Variants in CDH7 observed in about 807,000 individuals in gnomAD.
CDH7 encodes cadherin 7, also known as cadherin-7.
A neutral mutation model predicts 71.8 loss-of-function variants in CDH7; 25 were observed. The observed-to-expected ratio is 0.35, with a 90% confidence interval of 0.25 to 0.49. CDH7 has a LOEUF of 0.49. Ranked by LOEUF, CDH7 falls within the 20% of genes least tolerant of loss-of-function variation. CDH7 has a pLI of 0.99. For synonymous variants in CDH7, 381 were observed against 363.8 expected, an observed-to-expected ratio of 1.05 and a Z score of -0.54; for missense variants, 862 against 974.6, an observed-to-expected ratio of 0.88 and a Z score of 1.54.
At chr18:65,806,842 T>A (rs1178308025) in intron 2 of CDH7, among the ~76,000 whole-genome samples, 6 of 152,196 alleles carry the variant, frequency 3.9e-5, no homozygotes, top group Non-Finnish European at 1.5e-5. Context: ...TTAGGATTAG[T>A]ATAATGCACA....
chr18:65,788,615 T>C (rs1445666566), intron 2 of CDH7, among the ~76,000 whole-genome samples: 1 of 152,206 alleles, frequency 6.6e-6, no homozygotes, highest in East Asian at 1.9e-4. Context: ...CTTGAGCCTC[T>C]AGCCACCTGC....
At chr18:65,814,434 T>G (rs1213138763) in intron 3 of CDH7, 51 bp from the exon 4 acceptor site, 2 of 1,606,476 alleles carry the variant, frequency 1.2e-6, no homozygotes, top group Non-Finnish European at 1.7e-6. Context: ...CGTTTTTTGT[T>G]TTGTGGTATT....
At chr18:65,800,314 T>C (rs1336346032) in intron 2 of CDH7, among the ~76,000 whole-genome samples, 4 of 152,104 alleles carry the variant, frequency 2.6e-5, no homozygotes, top group East Asian at 3.9e-4. Context: ...CTCCTGACCT[T>C]GTGATCCTCC....
intron 3 of CDH7, 83 bp downstream of exon 3, chr18:65,810,081 G>GAAA: frequency 2.7e-6 from 2 of 751,888 alleles, no homozygotes; most frequent in South Asian, 2.1e-5. Context: ...ATTAAGTACT[G>GAAA]AAAAAAAAAA....
intron 7 of CDH7, among the ~76,000 whole-genome samples, chr18:65,855,365 A>G (rs1297105333): frequency 6.6e-6 from 1 of 150,612 alleles, no homozygotes; most frequent in Non-Finnish European, 1.5e-5. Flanking sequence ...AAAAAAAAGC[A>G]GAAAAAATGA....
At chr18:65,862,310 A>C (rs1184745605) in intron 10 of CDH7, among the ~76,000 whole-genome samples, 1 of 152,324 alleles carries the variant, frequency 6.6e-6, no homozygotes, top group East Asian at 1.9e-4. Flanking sequence ...TAACCTGTTA[A>C]TATGTACCAT....
At chr18:65,879,116 G>A (rs1914148208) in intron 11 of CDH7, among the ~76,000 whole-genome samples, 1 of 152,114 alleles carries the variant, frequency 6.6e-6, no homozygotes, top group African/African-American at 2.4e-5. Flanking sequence ...TTTGGTTTTT[G>A]AAAGTACACT....
At chr18:65,767,970 A>G (rs1916427291) in intron 2 of CDH7, among the ~76,000 whole-genome samples, 1 of 152,222 alleles carries the variant, frequency 6.6e-6, no homozygotes, top group Non-Finnish European at 1.5e-5. Flanking sequence ...AATGAAGGTT[A>G]TAATTACCAA....
At chr18:65,861,475 G>A (rs1913564596) in intron 10 of CDH7, among the ~76,000 whole-genome samples, 2 of 151,052 alleles carry the variant, frequency 1.3e-5, no homozygotes, top group Admixed American at 6.6e-5. Context: ...ATAGGCCTGC[G>A]TGCTATTGTG....
At chr18:65,816,170 G>T (rs1176781143) in intron 4 of CDH7, among the ~76,000 whole-genome samples, 1 of 152,048 alleles carries the variant, frequency 6.6e-6, no homozygotes, top group African/African-American at 2.4e-5. Flanking sequence ...TGTGTTACAA[G>T]AGAAGAGGAA....
chr18:65,845,386 C>T, intron 7 of CDH7, among the ~76,000 whole-genome samples: 1 of 152,052 alleles, frequency 6.6e-6, no homozygotes, highest in East Asian at 2.0e-4. Context: ...AGAGTATAAT[C>T]TGTGCACAAG....
Position 65,881,076 on chromosome 18 carries a change from C to A in CDH7, c.*182C>A. On this transcript the variant is annotated 3_prime_UTR_variant, in exon 12 of 12. Transcript: ENST00000397968. ...TTTCTGCCTTGGTGAGGCATATCTTCATTAGACTTATCTAAAGGACTGCAC... is the reference window on the plus strand; with the variant it reads ...TTTCTGCCTTGGTGAGGCATATCTTAATTAGACTTATCTAAAGGACTGCAC... 1 of 603,416 alleles carries A rather than the reference C, an allele frequency of 1.7e-6. No homozygotes were observed. The highest frequency in any genetic ancestry group is 2.8e-6 in the Non-Finnish European group (1 of 363,468). The allele number at this position is 603,416 out of a possible 1,614,324, so 37.4% of individuals were successfully genotyped here.
chr18:65,780,966 A>C (rs998342959), intron 2 of CDH7, among the ~76,000 whole-genome samples: 3 of 140,512 alleles, frequency 2.1e-5, no homozygotes, highest in Non-Finnish European at 4.6e-5. Context: ...TTTTCTGTCC[A>C]AATCTCTGAT....
At position 65,809,907 on chromosome 18, in the gene CDH7, G is replaced by A. The variant is rs905881493; in HGVS notation, c.414G>A (p.Glu138=). The change falls in exon 3 of 12, where the codon GAG becomes GAA. Residue 138 remains glutamate (E), a synonymous_variant. Coordinates refer to ENST00000397968, the MANE Select transcript of CDH7 (RefSeq NM_004361.5). ...ACAAACCCGTGGAGCCCGAGTCGGAGTTTGTCATCAAAATTCAGGATATCA... is the reference window on the plus strand; with the variant it reads ...ACAAACCCGTGGAGCCCGAGTCGGAATTTGTCATCAAAATTCAGGATATCA... The part of the protein sequence containing the change: ...LTNKPVEPES[E]FVIKIQDIND... 1 of 1,614,044 alleles carries A rather than the reference G, an allele frequency of 6.2e-7. No homozygotes were observed.
At chr18:65,781,857 T>TC (rs1568181670) in intron 2 of CDH7, among the ~76,000 whole-genome samples, 4 of 80,954 alleles carry the variant, frequency 4.9e-5, no homozygotes, top group African/African-American at 3.9e-4. Context: ...TTTCTTTCTT[T>TC]CTTTCTTTCT....
At chr18:65,836,758 A>G (rs1396388350) in intron 6 of CDH7, among the ~76,000 whole-genome samples, 1 of 152,170 alleles carries the variant, frequency 6.6e-6, no homozygotes, top group African/African-American at 2.4e-5. Context: ...TCTTTTGCTT[A>G]TTCTAAATTT....
chr18:65,869,723 A>G (rs544378783), intron 11 of CDH7, among the ~76,000 whole-genome samples: 1 of 151,734 alleles, frequency 6.6e-6, no homozygotes, highest in Non-Finnish European at 1.5e-5. Flanking sequence ...CTTCCAGTAG[A>G]CTGCTTTTAG....
At chr18:65,818,504 A>G (rs1911802394) in intron 4 of CDH7, among the ~76,000 whole-genome samples, 1 of 152,188 alleles carries the variant, frequency 6.6e-6, no homozygotes, top group South Asian at 2.1e-4. Flanking sequence ...ATAGCAAAAC[A>G]TCATATTGGA....
Position 65,885,581 on chromosome 18 carries a change from T to TTTTA in CDH7, c.*4687_*4688insTTTA, listed in dbSNP as rs756581220. The TTTTA allele has an allele frequency of 6.6e-6, 1 of 151,272 alleles. No individual in the cohort carries two copies. The highest frequency in any genetic ancestry group is 1.5e-5 in the Non-Finnish European group (1 of 67,848). The allele number at this position is 151,272 out of a possible 1,614,324, so 9.4% of individuals were successfully genotyped here. A position where few individuals can be genotyped will look rare whatever the true frequency, so the allele number is the denominator to read the frequency against. On this transcript the variant is annotated 3_prime_UTR_variant, in exon 12 of 12. Transcript: ENST00000397968. ...TTTTAGTACAGACGGGGTTTCACCGTGGTCTCGATCTCCTGACCTCGTGAT... is the reference window on the plus strand; with the variant it reads ...TTTTAGTACAGACGGGGTTTCACCGTTTTAGGTCTCGATCTCCTGACCTCGTGAT...
Sources: allele counts gnomAD v4.1 joint callset (sites outside exome capture counted in the v4.1 genomes callset), GRCh38; gene constraint gnomAD v4.1.1; transcripts MANE v1.5; gene names NCBI Gene and HGNC (gene_info 2026-07-23, HGNC 2026-07-21).